PCDH11X: variants seen among roughly 807,000 people sequenced by gnomAD.
PCDH11X encodes protocadherin-11 X-linked.
A neutral mutation model predicts 53.3 loss-of-function variants in PCDH11X; 18 were observed. The ratio of observed to expected loss-of-function variants is 0.34; its 90% CI spans 0.23 to 0.50. PCDH11X has a LOEUF of 0.50. PCDH11X is among the 20% of genes least tolerant of loss of function. PCDH11X has a pLI of 0.98. For synonymous variants in PCDH11X, 279 were observed against 393.3 expected, an observed-to-expected ratio of 0.71 and a Z score of 3.44; for missense variants, 570 against 1,032.4, an observed-to-expected ratio of 0.55 and a Z score of 6.14.
intron 6 of PCDH11X, among the ~76,000 whole-genome samples, chrX:91,956,580 C>T (rs866954528): frequency 1.2e-3 from 124 of 107,430 alleles, no homozygotes; most frequent in South Asian, 3.9e-3. Flanking sequence ...GAATATTAGC[C>T]CCCAATCTCT....
intron 6 of PCDH11X, among the ~76,000 whole-genome samples, chrX:92,089,711 C>T (rs2064017772): frequency 9.6e-6 from 1 of 104,592 alleles, no homozygotes; most frequent in South Asian, 4.4e-4. Flanking sequence ...TTAGTAGAGA[C>T]AGGGTTTCAT....
At chrX:92,260,342 G>GT in intron 7 of PCDH11X, among the ~76,000 whole-genome samples, 1 of 110,750 alleles carries the variant, frequency 9.0e-6, no homozygotes, top group African/African-American at 3.3e-5. Context: ...CGTCGGCTGA[G>GT]TTTTTTCTGG....
At chrX:92,586,365 T>C (rs1281891691) in intron 10 of PCDH11X, among the ~76,000 whole-genome samples, 1 of 111,264 alleles carries the variant, frequency 9.0e-6, no homozygotes, top group Admixed American at 9.6e-5. Context: ...TTAAACTAGG[T>C]AACCTATTTA....
intron 10 of PCDH11X, among the ~76,000 whole-genome samples, chrX:92,532,679 C>CA (rs2074580285): frequency 9.4e-6 from 1 of 106,150 alleles, no homozygotes; most frequent in Admixed American, 1.0e-4. Context: ...AAGGAGAAGG[C>CA]AAAGCAAGAT....
At chrX:92,486,519 G>C (rs1172796103) in intron 10 of PCDH11X, among the ~76,000 whole-genome samples, 1 of 111,521 alleles carries the variant, frequency 9.0e-6, no homozygotes, top group African/African-American at 3.3e-5. Flanking sequence ...TAAATGCAAA[G>C]ATGTGAAAAA....
chrX:92,226,502 G>A (rs769102631), intron 7 of PCDH11X, among the ~76,000 whole-genome samples: 4 of 111,450 alleles, frequency 3.6e-5, no homozygotes, highest in South Asian at 3.7e-4. Context: ...ATTTCTTTAC[G>A]GCCAGTTCTT....
chrX:91,905,944 A>G (rs764819685), intron 6 of PCDH11X, among the ~76,000 whole-genome samples: 1 of 111,767 alleles, frequency 8.9e-6, no homozygotes, highest in Admixed American at 9.6e-5. Context: ...TTGTTCTTAG[A>G]CTTCATGCAT....
chrX:92,060,610 T>C (rs758546259), intron 6 of PCDH11X, among the ~76,000 whole-genome samples: 24 of 109,282 alleles, frequency 2.2e-4, no homozygotes, highest in Admixed American at 2.0e-4. Context: ...TAAGTTCACT[T>C]AGGATAATGA....
intron 6 of PCDH11X, among the ~76,000 whole-genome samples, chrX:92,125,017 TA>T (rs2064835944): frequency 8.9e-6 from 1 of 112,046 alleles, no homozygotes; most frequent in Non-Finnish European, 1.9e-5. Flanking sequence ...ATTTAAATTT[TA>T]TGTACATACT....
Position 92,478,308 on chromosome X carries a change from A to T in PCDH11X, c.3367+9986A>T, listed in dbSNP as rs185557239. 9.1e-3 allele frequency among the ~76,000 whole-genome samples: 999 copies of T among 110,310 alleles called. 10 individuals are homozygous for T. The highest frequency in any genetic ancestry group is 0.031 in the African/African-American group (947 of 30,318). ...GTTACACAATCTATTTCACTAATTT[A>T]AAAAAAAACCTCCTAGATTCATTCA... is the stretch of plus-strand genomic sequence containing the variant. On this transcript the variant is annotated intron_variant, in intron 10 of 10. Transcript: ENST00000682573.
At chrX:92,196,691 C>T (rs962734381) in intron 6 of PCDH11X, among the ~76,000 whole-genome samples, 1 of 111,120 alleles carries the variant, frequency 9.0e-6, no homozygotes, top group Admixed American at 9.6e-5. Context: ...TAGTACCTTA[C>T]TGATGAGAAC....
At chrX:92,576,946 T>C (rs1923056541) in intron 10 of PCDH11X, among the ~76,000 whole-genome samples, 1 of 111,085 alleles carries the variant, frequency 9.0e-6, no homozygotes, top group African/African-American at 3.3e-5. Flanking sequence ...GCTTATTATC[T>C]TTCTTTTCTT....
intron 1 of PCDH11X, among the ~76,000 whole-genome samples, chrX:91,806,619 G>T (rs768593690): frequency 5.3e-5 from 6 of 112,562 alleles, no homozygotes; most frequent in Admixed American, 2.8e-4. Context: ...TTAAATTTGC[G>T]TATGCAAGTT....
At chrX:92,250,458 A>G (rs1160560218) in intron 7 of PCDH11X, among the ~76,000 whole-genome samples, 2 of 109,526 alleles carry the variant, frequency 1.8e-5, no homozygotes, top group African/African-American at 6.6e-5. Context: ...TAAACAAAAG[A>G]AATGAAAAGA....
chrX:92,590,846 G>A (rs956792180), intron 10 of PCDH11X, among the ~76,000 whole-genome samples: 1 of 110,876 alleles, frequency 9.0e-6, no homozygotes, highest in African/African-American at 3.3e-5. Flanking sequence ...CTCCTTATTT[G>A]TCTGGTCACA....
At chrX:92,170,579 A>G (rs1486059375) in intron 6 of PCDH11X, among the ~76,000 whole-genome samples, 1 of 109,751 alleles carries the variant, frequency 9.1e-6, no homozygotes, top group Non-Finnish European at 1.9e-5. Context: ...TCACTCAAAA[A>G]CTTAATTTCT....
chrX:91,795,726 A>T (rs1305189847), intron 1 of PCDH11X, among the ~76,000 whole-genome samples: 1 of 111,598 alleles, frequency 9.0e-6, no homozygotes, highest in Non-Finnish European at 1.9e-5. Flanking sequence ...TCACTATAAT[A>T]CTTTACTGCA....
intron 8 of PCDH11X, among the ~76,000 whole-genome samples, chrX:92,300,344 A>G (rs2068695717): frequency 9.0e-6 from 1 of 111,480 alleles, no homozygotes; most frequent in African/African-American, 3.3e-5. Context: ...TTTAGATGTA[A>G]GAAGACACTC....
intron 6 of PCDH11X, among the ~76,000 whole-genome samples, chrX:92,177,227 C>T (rs1015484011): frequency 9.0e-6 from 1 of 110,840 alleles, no homozygotes; most frequent in African/African-American, 3.3e-5. Flanking sequence ...ATCTGCCTGC[C>T]TTGGCTTCCC....
Sources: allele counts gnomAD v4.1 joint callset (sites outside exome capture counted in the v4.1 genomes callset), GRCh38; gene constraint gnomAD v4.1.1; transcripts MANE v1.5; gene names NCBI Gene and HGNC (gene_info 2026-07-23, HGNC 2026-07-21).